CNTN1: variants seen among roughly 807,000 people sequenced by gnomAD.
CNTN1 encodes contactin-1.
In CNTN1, 38 loss-of-function variants were observed where a neutral mutation model predicts 126.4. That is an observed-to-expected ratio of 0.30 (90% CI 0.23 to 0.39). The LOEUF (loss-of-function observed/expected upper bound fraction) is 0.39, where lower values mean the gene tolerates loss of function less well. Ranked by LOEUF, CNTN1 falls within the 10% of genes least tolerant of loss-of-function variation. The probability of loss-of-function intolerance (pLI) is 1.00; values close to 1 mark genes in which losing one functional copy is unlikely to be tolerated. For missense variants in CNTN1, 1,009 were observed against 1,248.4 expected (o/e 0.81, Z 2.89); for synonymous variants, 413 against 422.6 (o/e 0.98, Z 0.28).
chr12:40,723,621 A>T (rs1942275359), intron 1 of CNTN1, among the ~76,000 whole-genome samples: 1 of 152,204 alleles, frequency 6.6e-6, no homozygotes, highest in Non-Finnish European at 1.5e-5. Context: ...TGAAACTTTT[A>T]TAGCTGTTAT....
intron 1 of CNTN1, among the ~76,000 whole-genome samples, chr12:40,866,578 T>C (rs1943306831): frequency 6.6e-6 from 1 of 152,150 alleles, no homozygotes; most frequent in South Asian, 2.1e-4. Context: ...ATATGGTTTT[T>C]GTTCTTTATT....
chr12:40,705,366 G>A (rs1480434140), intron 1 of CNTN1, among the ~76,000 whole-genome samples: 1 of 152,100 alleles, frequency 6.6e-6, no homozygotes, highest in Non-Finnish European at 1.5e-5. Context: ...TGCTCAGCTT[G>A]CGTATGCTTA....
At chr12:40,790,908 T>C (rs1308856869) in intron 1 of CNTN1, among the ~76,000 whole-genome samples, 1 of 152,148 alleles carries the variant, frequency 6.6e-6, no homozygotes, top group Non-Finnish European at 1.5e-5. Context: ...ATAATTAAGG[T>C]CTGGGCTTTT....
chr12:40,982,657 T>C (rs1260430814), intron 16 of CNTN1, among the ~76,000 whole-genome samples: 1 of 152,150 alleles, frequency 6.6e-6, no homozygotes, highest in African/African-American at 2.4e-5. Context: ...CCAGAACCTA[T>C]TCTAGATGCA....
rs116204080 is a variant in CNTN1, at chr12:41,062,636, T to C, written c.2981-7323T>C. Among the ~76,000 whole-genome samples the C allele has an allele frequency of 4.0e-3, 605 of 152,332 alleles. 7 individuals are homozygous for C. The highest frequency in any genetic ancestry group is 0.014 in the African/African-American group (581 of 41,596). On this transcript the variant is annotated intron_variant, in intron 23 of 23. Transcript: ENST00000551295. Reference sequence around the variant, plus strand: ...ATTTCATAAAATCTCAGTTAATACATTTAAAACATTTGTTTTTACCTCAAT... The same window carrying C: ...ATTTCATAAAATCTCAGTTAATACACTTAAAACATTTGTTTTTACCTCAAT...
intron 13 of CNTN1, 44 bp from the exon 14 acceptor site, chr12:40,943,951 T>A (rs1454378383): frequency 6.4e-7 from 1 of 1,551,914 alleles, no homozygotes; most frequent in Admixed American, 1.7e-5. Flanking sequence ...TAATATTGTG[T>A]CTTATATCTT....
intron 1 of CNTN1, among the ~76,000 whole-genome samples, chr12:40,822,315 C>T (rs939936778): frequency 2.6e-5 from 4 of 151,500 alleles, no homozygotes; most frequent in Admixed American, 6.6e-5. Context: ...ACACCATGCC[C>T]GGCTAATTTT....
rs1161805606 is a variant in CNTN1, at chr12:41,002,554, CTTTCTTTTTT to C, written c.2113+9289_2113+9298del. ...CTTTTGGGCTGAGACTATAGGGTTT[CTTTCTTTTTT>C]TTTTTTTTTTTGAGATGGAGTCTTG... On this transcript the variant is annotated intron_variant, in intron 17 of 23. Transcript: ENST00000551295. Among the ~76,000 whole-genome samples, 5 of 131,514 alleles carry C rather than the reference CTTTCTTTTTT, an allele frequency of 3.8e-5. No homozygotes were observed. The Admixed American group carries it at 3.8e-4, about 10-fold the overall frequency. 86.3% of individuals were successfully genotyped at this position (131,514 alleles called of 152,430 possible). A position where few individuals can be genotyped will look rare whatever the true frequency, so the allele number is the denominator to read the frequency against.
chr12:40,773,778 G>A (rs1262549724), intron 1 of CNTN1, among the ~76,000 whole-genome samples: 1 of 149,466 alleles, frequency 6.7e-6, no homozygotes, highest in African/African-American at 2.5e-5. Flanking sequence ...TGTTATCCCT[G>A]TTCTTAACAA....
At chr12:40,724,175 G>T (rs1942291203) in intron 1 of CNTN1, among the ~76,000 whole-genome samples, 1 of 152,002 alleles carries the variant, frequency 6.6e-6, no homozygotes, top group Admixed American at 6.6e-5. Context: ...TGTACCCTAG[G>T]CACTGTGCCT....
chr12:40,953,251 T>C (rs937876196), intron 14 of CNTN1, among the ~76,000 whole-genome samples: 3 of 152,206 alleles, frequency 2.0e-5, no homozygotes, highest in Non-Finnish European at 4.4e-5. Flanking sequence ...ATTTCCAGTA[T>C]GTGATTCAAC....
At position 40,811,341 on chromosome 12, in the gene CNTN1, G is replaced by A. The variant is rs1031738067; in HGVS notation, c.-76-97016G>A. Among the ~76,000 whole-genome samples, 9 of 152,234 alleles carry A rather than the reference G, an allele frequency of 5.9e-5. No homozygotes were observed. In the East Asian group the frequency reaches 1.7e-3, roughly 29 times the overall value. On this transcript the variant is annotated intron_variant, in intron 1 of 23. Transcript: ENST00000551295. ...CTGAGTTGAGGATATTTGCATCTAT[G>A]TTTATCAGAATTGGCCTGTAATTTT... is the stretch of plus-strand genomic sequence containing the variant.
chr12:40,709,633 C>T (rs571631510), intron 1 of CNTN1, among the ~76,000 whole-genome samples: 2 of 152,358 alleles, frequency 1.3e-5, no homozygotes, highest in African/African-American at 2.4e-5. Flanking sequence ...CCACCTTCAT[C>T]AGTGAGCTTA....
intron 1 of CNTN1, among the ~76,000 whole-genome samples, chr12:40,847,704 G>A (rs1942562714): frequency 6.6e-6 from 1 of 152,164 alleles, no homozygotes; most frequent in African/African-American, 2.4e-5. Flanking sequence ...TATATCCCAG[G>A]CACATTCTTG....
chr12:40,718,311 G>A (rs1380173386), intron 1 of CNTN1, among the ~76,000 whole-genome samples: 1 of 152,120 alleles, frequency 6.6e-6, no homozygotes, highest in Non-Finnish European at 1.5e-5. Context: ...TGGGACTACA[G>A]GCACGTGCTA....
At chr12:40,739,948 A>G (rs555117985) in intron 1 of CNTN1, among the ~76,000 whole-genome samples, 2 of 152,176 alleles carry the variant, frequency 1.3e-5, no homozygotes, top group African/African-American at 4.8e-5. Flanking sequence ...TTGCTTTTGG[A>G]TTGTTAGACT....
At chr12:40,943,864 C>T in intron 13 of CNTN1, 131 bp from the exon 14 acceptor site, 1 of 1,387,192 alleles carries the variant, frequency 7.2e-7, no homozygotes, top group Non-Finnish European at 9.9e-7. Flanking sequence ...TGATATTGTT[C>T]TTGGAATTTG....
intron 1 of CNTN1, among the ~76,000 whole-genome samples, chr12:40,836,147 C>T (rs922909027): frequency 1.7e-5 from 2 of 114,932 alleles, no homozygotes; most frequent in South Asian, 2.8e-4. Context: ...GGTATATACA[C>T]ATATATGATA....
intron 1 of CNTN1, among the ~76,000 whole-genome samples, chr12:40,791,871 TA>T (rs749819336): frequency 4.9e-4 from 75 of 152,052 alleles, no homozygotes; most frequent in Non-Finnish European, 9.6e-4. Context: ...TTGATGTAAA[TA>T]AAATAAGGGC....
Sources: gnomAD v4.1 joint callset for allele counts (sites outside exome capture counted in the v4.1 genomes callset) on GRCh38, gnomAD v4.1.1 for gene constraint, MANE v1.5 for transcripts, NCBI Gene and HGNC (gene_info 2026-07-23, HGNC 2026-07-21) for gene names.